The following ROBO1 variants were observed in gnomAD, a reference collection of about 807,000 sequenced individuals.
ROBO1 encodes the protein roundabout homolog 1.
A neutral mutation model predicts 195.9 loss-of-function variants in ROBO1; 149 were observed. That is an observed-to-expected ratio of 0.76 (90% CI 0.67 to 0.87). The LOEUF (loss-of-function observed/expected upper bound fraction) is 0.87. Among genes scored for constraint, ROBO1 ranks in the 40% least tolerant of loss-of-function variants. ROBO1 has a pLI of 0.00. For synonymous variants in ROBO1, 816 were observed against 733.2 expected, an observed-to-expected ratio of 1.11 and a Z score of -1.82; for missense variants, 1,933 against 2,068.3, an observed-to-expected ratio of 0.93 and a Z score of 1.27.
At chr3:79,051,054 A>G (rs2108364783) in intron 3 of ROBO1, among the ~76,000 whole-genome samples, 1 of 152,320 alleles carries the variant, frequency 6.6e-6, no homozygotes, top group African/African-American at 2.4e-5. Flanking sequence ...GAAATTACTA[A>G]GATCAGAGCA....
chr3:78,668,725 G>GA (rs1707883320), intron 11 of ROBO1, among the ~76,000 whole-genome samples, 160 bp from the exon 12 acceptor site: 1 of 152,104 alleles, frequency 6.6e-6, no homozygotes, highest in African/African-American at 2.4e-5. Context: ...TATTGAATGT[G>GA]AAGGAAAATA....
chr3:78,879,218 AATG>A (rs1259892745), intron 4 of ROBO1, among the ~76,000 whole-genome samples: 2 of 152,220 alleles, frequency 1.3e-5, no homozygotes, highest in African/African-American at 2.4e-5. Flanking sequence ...TTTATAACAC[AATG>A]ATATTACACG....
intron 2 of ROBO1, among the ~76,000 whole-genome samples, chr3:79,578,505 G>A (rs1478300271): frequency 6.6e-6 from 1 of 152,092 alleles, no homozygotes; most frequent in Admixed American, 6.6e-5. Context: ...CAAATCTCCT[G>A]TCTGTATATA....
chr3:78,659,654 G>T, intron 17 of ROBO1, 32 bp downstream of exon 17: 1 of 1,289,384 alleles, frequency 7.8e-7, no homozygotes, highest in Non-Finnish European at 1.0e-6. Context: ...TGCCCATCAG[G>T]ACATTAATAT....
At chr3:78,709,478 AC>A (rs2081630111) in intron 8 of ROBO1, among the ~76,000 whole-genome samples, 3 of 152,204 alleles carry the variant, frequency 2.0e-5, no homozygotes, top group Admixed American at 1.3e-4. Flanking sequence ...AAATTTTATT[AC>A]AGTTTGCCTC....
intron 4 of ROBO1, among the ~76,000 whole-genome samples, chr3:78,896,430 CA>C (rs2037233324): frequency 6.6e-6 from 1 of 151,894 alleles, no homozygotes. Context: ...CCTAACTGAT[CA>C]ATGTACTTTG....
chr3:79,039,084 A>C (rs959220428), intron 3 of ROBO1, among the ~76,000 whole-genome samples: 3 of 152,208 alleles, frequency 2.0e-5, no homozygotes, highest in Non-Finnish European at 4.4e-5. Context: ...ACTCATTTTT[A>C]GACAATGGCC....
chr3:78,892,620 G>A (rs575137353), intron 4 of ROBO1, among the ~76,000 whole-genome samples: 29 of 152,136 alleles, frequency 1.9e-4, no homozygotes, highest in African/African-American at 7.0e-4. Flanking sequence ...ACCATTCAGA[G>A]TTCCAAATGA....
intron 3 of ROBO1, among the ~76,000 whole-genome samples, chr3:79,039,376 G>T (rs2078439105): frequency 6.6e-6 from 1 of 152,114 alleles, no homozygotes; most frequent in Non-Finnish European, 1.5e-5. Flanking sequence ...CGTAATTTTA[G>T]AATTGAATTG....
At chr3:79,327,822 C>CA (rs2034274650) in intron 2 of ROBO1, among the ~76,000 whole-genome samples, 2 of 152,078 alleles carry the variant, frequency 1.3e-5, no homozygotes, top group Non-Finnish European at 2.9e-5. Flanking sequence ...AACCAACAGA[C>CA]AAAATCTGCT....
chr3:78,929,473 C>T (rs2039389942), intron 4 of ROBO1, among the ~76,000 whole-genome samples: 1 of 146,758 alleles, frequency 6.8e-6, no homozygotes, highest in Non-Finnish European at 1.5e-5. Context: ...ATTTCTTTTC[C>T]AGTATCATTT....
intron 2 of ROBO1, among the ~76,000 whole-genome samples, chr3:79,411,246 C>A (rs999444810): frequency 2.0e-5 from 3 of 152,066 alleles, no homozygotes; most frequent in Admixed American, 1.3e-4. Context: ...GGCAGGCAAA[C>A]AACAAATTCA....
chr3:78,627,594 A>G (rs762613168), intron 25 of ROBO1, 25 bp from the exon 26 acceptor site: 1 of 1,586,570 alleles, frequency 6.3e-7, no homozygotes, highest in Non-Finnish European at 8.6e-7. Flanking sequence ...AAGGATGTGT[A>G]GACTTACTTC....
chr3:79,405,631 A>T (rs1294821346), intron 2 of ROBO1, among the ~76,000 whole-genome samples: 1 of 152,206 alleles, frequency 6.6e-6, no homozygotes, highest in Non-Finnish European at 1.5e-5. Flanking sequence ...TCTGATCAAC[A>T]TTGCAAGAAT....
intron 4 of ROBO1, among the ~76,000 whole-genome samples, chr3:78,762,331 A>T (rs2083126262): frequency 6.6e-6 from 1 of 152,080 alleles, no homozygotes; most frequent in African/African-American, 2.4e-5. Context: ...ATTAGCTTTT[A>T]AAAATGACAA....
chr3:79,054,508 C>A (rs528869363), intron 3 of ROBO1, among the ~76,000 whole-genome samples: 1 of 152,172 alleles, frequency 6.6e-6, no homozygotes, highest in East Asian at 1.9e-4. Flanking sequence ...TATATTAAAG[C>A]TTGTGAAGGC....
chr3:79,459,990 T>A lies in ROBO1; in HGVS notation c.88+129834A>T, dbSNP rs1369596627. Among the ~76,000 whole-genome samples the A allele has an allele frequency of 3.3e-5, 5 of 152,236 alleles. No homozygotes were observed. The East Asian group carries it at 9.7e-4, about 29-fold the overall frequency. On this transcript the variant is annotated intron_variant, in intron 2 of 30. Transcript: ENST00000464233. The stretch of plus-strand genomic sequence containing the variant: ...ATTTTATAATTTTTCTTTGAAGTGA[T>A]AAATAATATGTAAGTTATGTGATGT...
At chr3:78,932,715 A>G (rs1258164558) in intron 4 of ROBO1, among the ~76,000 whole-genome samples, 1 of 152,166 alleles carries the variant, frequency 6.6e-6, no homozygotes, top group African/African-American at 2.4e-5. Flanking sequence ...ACCTGCTTAT[A>G]GGATCGTTCT....
intron 3 of ROBO1, among the ~76,000 whole-genome samples, chr3:79,013,022 G>C (rs1312897556): frequency 6.6e-6 from 1 of 152,032 alleles, no homozygotes; most frequent in Non-Finnish European, 1.5e-5. Context: ...CCAACCAGCT[G>C]ATCAACCAGG....
Sources: gnomAD v4.1 joint callset for allele counts (sites outside exome capture counted in the v4.1 genomes callset) on GRCh38, gnomAD v4.1.1 for gene constraint, MANE v1.5 for transcripts, NCBI Gene and HGNC (gene_info 2026-07-23, HGNC 2026-07-21) for gene names.